RIMS2: variants seen among roughly 807,000 people sequenced by gnomAD.
RIMS2 encodes regulating synaptic membrane exocytosis 2.
Under a neutral mutation model 174.4 loss-of-function variants are expected in RIMS2, and 59 were observed. That is an observed-to-expected ratio of 0.34 (90% CI 0.27 to 0.42). The LOEUF is 0.42. RIMS2 is among the 10% of genes least tolerant of loss of function. The pLI is 1.00. For missense variants in RIMS2, 1,620 were observed against 1,666.3 expected, an observed-to-expected ratio of 0.97 and a Z score of 0.48; for synonymous variants, 606 against 572.5, an observed-to-expected ratio of 1.06 and a Z score of -0.84.
chr8:103,781,850 C>T (rs938650076), intron 3 of RIMS2, among the ~76,000 whole-genome samples: 21 of 148,302 alleles, frequency 1.4e-4, no homozygotes, highest in African/African-American at 5.0e-4. Context: ...CAGGTTCAAG[C>T]GATTCACCTG....
chr8:103,940,529 T>C (rs2082285735), intron 13 of RIMS2, among the ~76,000 whole-genome samples: 1 of 151,588 alleles, frequency 6.6e-6, no homozygotes, highest in South Asian at 2.1e-4. Flanking sequence ...TAAATGGTAA[T>C]CTCATGGGAA....
At chr8:103,761,579 G>C (rs2098113581) in intron 2 of RIMS2, among the ~76,000 whole-genome samples, 1 of 152,166 alleles carries the variant, frequency 6.6e-6, no homozygotes, top group Non-Finnish European at 1.5e-5. Flanking sequence ...GTTTATGAAA[G>C]TGGCACACCC....
intron 1 of RIMS2, among the ~76,000 whole-genome samples, chr8:103,620,545 C>T (rs192951994): frequency 2.7e-4 from 41 of 151,906 alleles, no homozygotes; most frequent in Middle Eastern, 3.4e-3. Context: ...TGAAAGCAAC[C>T]GATTAATGTA....
chr8:104,012,437 A>G (rs1365715629), intron 17 of RIMS2, among the ~76,000 whole-genome samples: 1 of 151,854 alleles, frequency 6.6e-6, no homozygotes, highest in East Asian at 1.9e-4. Flanking sequence ...GATGTCATTG[A>G]AACATTAGCT....
At chr8:103,621,889 G>C (rs1437966892) in intron 1 of RIMS2, among the ~76,000 whole-genome samples, 2 of 152,140 alleles carry the variant, frequency 1.3e-5, no homozygotes, top group Non-Finnish European at 2.9e-5. Context: ...TTGTTTCTAA[G>C]TACCTAAGTG....
At chr8:103,507,610 T>C (rs1468017386) in intron 1 of RIMS2, among the ~76,000 whole-genome samples, 1 of 152,078 alleles carries the variant, frequency 6.6e-6, no homozygotes, top group African/African-American at 2.4e-5. Flanking sequence ...TTTTTAAACA[T>C]GCCTAATTTT....
intron 1 of RIMS2, among the ~76,000 whole-genome samples, chr8:103,513,227 A>AT (rs763940826): frequency 3.9e-5 from 6 of 152,018 alleles, no homozygotes; most frequent in Non-Finnish European, 8.8e-5. Context: ...CCTCTATAGG[A>AT]TTTTTTTCCC....
At chr8:103,885,536 G>A (rs779295630) in exon 4 of RIMS2, 2 of 1,612,026 alleles carry the variant, frequency 1.2e-6, no homozygotes, top group Non-Finnish European at 1.7e-6. Context: ...AGATGATGAG[G>A]ATGTGGAAAG....
chr8:103,895,040 T>C (rs377604975), intron 4 of RIMS2, among the ~76,000 whole-genome samples: 2 of 151,636 alleles, frequency 1.3e-5, no homozygotes, highest in South Asian at 2.1e-4. Context: ...ATGCTTATAA[T>C]TTTTCTGCTG....
At chr8:103,771,424 G>A (rs1683361988) in intron 3 of RIMS2, among the ~76,000 whole-genome samples, 1 of 152,120 alleles carries the variant, frequency 6.6e-6, no homozygotes, top group African/African-American at 2.4e-5. Context: ...TTGCAAATTA[G>A]TGAAATGTAG....
chr8:104,192,568 G>A (rs935985960), intron 19 of RIMS2, among the ~76,000 whole-genome samples: 8 of 152,138 alleles, frequency 5.3e-5, no homozygotes, highest in Admixed American at 4.6e-4. Context: ...GGTTCAGCTA[G>A]TGCCACAAAT....
chr8:103,571,697 A>T (rs2092821082), intron 1 of RIMS2, among the ~76,000 whole-genome samples: 1 of 152,180 alleles, frequency 6.6e-6, no homozygotes, highest in Admixed American at 6.5e-5. Context: ...ACCTTACACT[A>T]GCTTAAGGAA....
intron 19 of RIMS2, among the ~76,000 whole-genome samples, chr8:104,219,741 A>G (rs757563358): frequency 6.6e-6 from 1 of 152,156 alleles, no homozygotes; most frequent in Non-Finnish European, 1.5e-5. Flanking sequence ...ATAATTTGAA[A>G]TACTGGATGA....
chr8:103,746,516 CA>C (rs1411806592), intron 2 of RIMS2, among the ~76,000 whole-genome samples: 2 of 152,118 alleles, frequency 1.3e-5, no homozygotes, highest in Non-Finnish European at 2.9e-5. Flanking sequence ...AAATTTGTGT[CA>C]GGGGGGTTCA....
chr8:103,655,739 G>T (rs2096522809), intron 1 of RIMS2, among the ~76,000 whole-genome samples: 1 of 152,034 alleles, frequency 6.6e-6, no homozygotes, highest in Non-Finnish European at 1.5e-5. Flanking sequence ...AGTAGCAAGG[G>T]ACACAAAGAA....
intron 1 of RIMS2, among the ~76,000 whole-genome samples, chr8:103,532,743 T>TAA (rs1454204652): frequency 6.6e-6 from 1 of 152,234 alleles, no homozygotes; most frequent in Non-Finnish European, 1.5e-5. Flanking sequence ...ATAATACAGT[T>TAA]ACAACTCAAC....
At chr8:103,672,514 G>T (rs2096757124) in intron 1 of RIMS2, among the ~76,000 whole-genome samples, 1 of 151,882 alleles carries the variant, frequency 6.6e-6, no homozygotes, top group Non-Finnish European at 1.5e-5. Context: ...GGTGAAGGGG[G>T]AACAGGCCAT....
chr8:103,856,523 C>T (rs1309197432), intron 3 of RIMS2, among the ~76,000 whole-genome samples: 1 of 152,146 alleles, frequency 6.6e-6, no homozygotes, highest in African/African-American at 2.4e-5. Context: ...AATTGATTTT[C>T]AATTGTAACT....
At chr8:103,512,963 A>G (rs1036970515) in intron 1 of RIMS2, among the ~76,000 whole-genome samples, 7 of 152,170 alleles carry the variant, frequency 4.6e-5, no homozygotes, top group Non-Finnish European at 8.8e-5. Flanking sequence ...TTTGAAGGTT[A>G]GGTACAAATA....
Sources: allele counts gnomAD v4.1 joint callset (sites outside exome capture counted in the v4.1 genomes callset), GRCh38; gene constraint gnomAD v4.1.1; transcripts MANE v1.5; gene names NCBI Gene and HGNC (gene_info 2026-07-23, HGNC 2026-07-21).